The following CACNA2D2 variants were observed in gnomAD, a reference collection of about 807,000 sequenced individuals.
CACNA2D2 encodes voltage-dependent calcium channel subunit alpha-2/delta-2.
In CACNA2D2, 48 loss-of-function variants were observed where a neutral mutation model predicts 166.4. The observed-to-expected ratio is 0.29, with a 90% CI of 0.23 to 0.37. The LOEUF (loss-of-function observed/expected upper bound fraction) is 0.37. Among genes scored for constraint, CACNA2D2 ranks in the 10% least tolerant of loss-of-function variants. The pLI is 1.00. For missense variants in CACNA2D2, 1,122 were observed against 1,433.0 expected (o/e 0.78, Z 3.50); for synonymous variants, 561 against 573.7 (o/e 0.98, Z 0.32).
intron 3 of CACNA2D2, among the ~76,000 whole-genome samples, chr3:50,425,782 C>T (rs1707779819): frequency 6.6e-6 from 1 of 152,180 alleles, no homozygotes; most frequent in South Asian, 2.1e-4. Context: ...AGTGGAGACA[C>T]ATACATCTCC....
intron 13 of CACNA2D2, 30 bp downstream of exon 13, chr3:50,378,885 G>C: frequency 1.2e-6 from 2 of 1,609,882 alleles, no homozygotes; most frequent in Non-Finnish European, 1.7e-6. Flanking sequence ...TGGCAGGCAG[G>C]CCCCTGACAG....
At position 50,376,721 on chromosome 3, in the gene CACNA2D2, A is replaced by G. The variant is rs111994263; in HGVS notation, c.1627-533T>C. On this transcript the variant is annotated intron_variant, in intron 17 of 37. Transcript: ENST00000424201. The surrounding 1 kb of genome is among the most constrained non-coding windows in gnomAD (Gnocchi z 4.3). ...AGTTTCTTACTGTACCTGGAGGCCA[A>G]CTGCCACAGCCCCTGCCCACTCAGG... Among the ~76,000 whole-genome samples, 187 of 152,220 alleles carry G rather than the reference A, an allele frequency of 1.2e-3. 1 individual carries two copies. Among genetic ancestry groups the G allele is most frequent in the Non-Finnish European group, 8.7e-4 (59 of 67,982 alleles).
Position 50,365,097 on chromosome 3 carries a change from C to T in CACNA2D2, c.3186G>A (p.Arg1062=), listed in dbSNP as rs373966675. The change falls in exon 36 of 38, where the codon CGG becomes CGA. Residue 1062 remains arginine, a synonymous_variant. Transcript: ENST00000424201. The surrounding 1 kb of genome is among the most constrained non-coding windows in gnomAD (Gnocchi z 4.5). ...TACAGTGCGTCTCCTTCTGCAGCAGCCGGCCAGCCTCGCACTGGCTGCACA... is the reference window on the plus strand; with the variant it reads ...TACAGTGCGTCTCCTTCTGCAGCAGTCGGCCAGCCTCGCACTGGCTGCACA... The part of the protein sequence containing the change: ...KPLCSQCEAG[R]LLQKETHSDG... 1.2e-6 allele frequency: 2 copies of T among 1,611,780 alleles called. No homozygotes were observed. Among genetic ancestry groups the T allele is most frequent in the South Asian group, 1.1e-5 (1 of 91,076 alleles).
At chr3:50,501,199 C>CA (rs1415681014) in intron 1 of CACNA2D2, among the ~76,000 whole-genome samples, 1 of 152,200 alleles carries the variant, frequency 6.6e-6, no homozygotes, top group East Asian at 1.9e-4. Context: ...CTTACCAGTT[C>CA]AACAAAAGCA....
At position 50,459,809 on chromosome 3, in the gene CACNA2D2, G is replaced by A. The variant is rs548023934; in HGVS notation, c.288+16309C>T. On this transcript the variant is annotated intron_variant, in intron 2 of 37. Coordinates refer to ENST00000424201, the MANE Select transcript of CACNA2D2 (RefSeq NM_006030.4). The stretch of plus-strand genomic sequence containing the variant: ...GCTGCACCCCACCAGCTCACTGGCT[G>A]CCTCCTGGGGAGGGGTCAGCAGACA... 1.1e-4 allele frequency among the ~76,000 whole-genome samples: 16 copies of A among 152,360 alleles called. No individual in the cohort carries two copies. In the South Asian group the frequency reaches 3.1e-3, roughly 30 times the overall value.
chr3:50,412,648 T>C (rs909981819), intron 3 of CACNA2D2, among the ~76,000 whole-genome samples: 77 of 152,226 alleles, frequency 5.1e-4, no homozygotes, highest in African/African-American at 1.6e-3. Context: ...GGGGGAGGCT[T>C]GATGCAGCTG....
chr3:50,412,332 G>A (rs1021237392), intron 3 of CACNA2D2, among the ~76,000 whole-genome samples: 5 of 152,236 alleles, frequency 3.3e-5, no homozygotes, highest in Non-Finnish European at 7.3e-5. Flanking sequence ...ATGGTGGGCA[G>A]GCCAGCATCT....
chr3:50,370,225 C>CA (rs1438993627), intron 23 of CACNA2D2, 95 bp downstream of exon 23: 7 of 850,866 alleles, frequency 8.2e-6, no homozygotes, highest in Admixed American at 2.0e-5. Context: ...CTGCACAGGA[C>CA]ACAGACACAC....
At chr3:50,405,147 C>T (rs1706641474) in intron 3 of CACNA2D2, among the ~76,000 whole-genome samples, 1 of 152,126 alleles carries the variant, frequency 6.6e-6, no homozygotes, top group African/African-American at 2.4e-5. Context: ...TTGATTAGGC[C>T]CAACCTCAGG....
intron 3 of CACNA2D2, among the ~76,000 whole-genome samples, chr3:50,418,725 T>C (rs903934123): frequency 6.6e-6 from 1 of 152,218 alleles, no homozygotes; most frequent in African/African-American, 2.4e-5. Context: ...GTCCACTGGC[T>C]GCTGCAGGGT....
chr3:50,455,179 C>A (rs1189326463), intron 2 of CACNA2D2, among the ~76,000 whole-genome samples: 1 of 152,200 alleles, frequency 6.6e-6, no homozygotes, highest in Admixed American at 6.5e-5. Context: ...CACTGTACGC[C>A]CCCTGCACAC....
Position 50,376,577 on chromosome 3 carries a change from C to A in CACNA2D2, c.1627-389G>T, listed in dbSNP as rs756565762. ...GATTTGTGCCTCCTCCTTGTCCCCA[C>A]GTCAAGAGAGAGCAGCGGGACGAGT... On this transcript the variant is annotated intron_variant, in intron 17 of 37. Transcript: ENST00000424201. The surrounding 1 kb of genome is among the most constrained non-coding windows in gnomAD (Gnocchi z 4.3). Among the ~76,000 whole-genome samples the A allele has an allele frequency of 2.0e-5, 3 of 152,196 alleles. No homozygotes were observed. Among genetic ancestry groups the A allele is most frequent in the African/African-American group, 7.2e-5 (3 of 41,438 alleles).
At position 50,367,433 on chromosome 3, in the gene CACNA2D2, C is replaced by A. The variant is rs1704379753; in HGVS notation, c.2362G>T (p.Asp788Tyr). 6.2e-7 allele frequency: 1 copy of A among 1,613,882 alleles called. No homozygotes were observed. The highest frequency in any genetic ancestry group is 2.2e-5 in the East Asian group (1 of 44,880). ...FNASFYRRSL[D>Y]NHGYVFKPPH... is the part of the protein sequence containing the mutation. ...GGCTTGAAGACATAACCGTGGTTAT[C>A]CAGGCTGCGGCGGTAGAAGCTGGCA... Residue 788 changes from aspartate to tyrosine, a missense_variant, in exon 27 of 38, where the codon GAT becomes TAT. Transcript: ENST00000424201. The surrounding 1 kb of genome is among the most constrained non-coding windows in gnomAD (Gnocchi z 6.5).
chr3:50,390,435 G>C (rs1705828913), intron 4 of CACNA2D2, among the ~76,000 whole-genome samples: 1 of 152,148 alleles, frequency 6.6e-6, no homozygotes, highest in Admixed American at 6.5e-5. Context: ...CTCCCCAGGG[G>C]TAGGGCCAAC....
chr3:50,487,348 C>T (rs896194249), intron 1 of CACNA2D2, among the ~76,000 whole-genome samples: 3 of 152,184 alleles, frequency 2.0e-5, no homozygotes, highest in Admixed American at 2.0e-4. Flanking sequence ...TTCCTTATAC[C>T]CTATCAGGGC....
At chr3:50,384,117 G>C in intron 6 of CACNA2D2, 79 bp downstream of exon 6, 2 of 1,566,562 alleles carry the variant, frequency 1.3e-6, no homozygotes, top group South Asian at 2.3e-5. Flanking sequence ...TCTGTCCCCA[G>C]GGACTCTGGA....
intron 3 of CACNA2D2, among the ~76,000 whole-genome samples, chr3:50,425,164 C>T (rs926934524): frequency 2.6e-5 from 4 of 152,154 alleles, no homozygotes; most frequent in African/African-American, 4.8e-5. Context: ...GCCTCTGTCA[C>T]CCCCACACAC....
chr3:50,488,691 GTTTT>G (rs942446229), intron 1 of CACNA2D2, among the ~76,000 whole-genome samples: 7 of 145,576 alleles, frequency 4.8e-5, no homozygotes, highest in East Asian at 2.0e-4. Flanking sequence ...TTTTCCTGGT[GTTTT>G]TTTTTTGTTT....
At chr3:50,406,406 G>A (rs1322239458) in intron 3 of CACNA2D2, among the ~76,000 whole-genome samples, 1 of 151,686 alleles carries the variant, frequency 6.6e-6, no homozygotes, top group Non-Finnish European at 1.5e-5. Flanking sequence ...CTGCCTGGAG[G>A]ACTGCCCCTC....
Sources: allele counts gnomAD v4.1 joint callset (sites outside exome capture counted in the v4.1 genomes callset), GRCh38; gene constraint gnomAD v4.1.1; non-coding constraint Gnocchi (gnomAD v3.1); transcripts MANE v1.5; gene names NCBI Gene and HGNC (gene_info 2026-07-23, HGNC 2026-07-21).